The following ROPN1L variants were observed in gnomAD, a reference collection of about 807,000 sequenced individuals.
The protein encoded by ROPN1L is rhophilin associated tail protein 1 like.
Under a neutral mutation model 22.7 loss-of-function variants are expected in ROPN1L, and 23 were observed. The observed-to-expected ratio is 1.01, with a 90% CI of 0.73 to 1.43. The LOEUF is 1.43. Among genes scored for constraint, ROPN1L ranks in the 40% most tolerant of loss-of-function variants. The pLI is 0.00. For synonymous variants in ROPN1L, 116 were observed against 117.8 expected (o/e 0.98, Z 0.10); for missense variants, 271 against 291.5 (o/e 0.93, Z 0.51).
intron 3 of ROPN1L, among the ~76,000 whole-genome samples, chr5:10,460,006 A>T (rs2126462107): frequency 6.6e-6 from 1 of 152,296 alleles, no homozygotes; most frequent in African/African-American, 2.4e-5. Context: ...AGGCAGCGTG[A>T]CCATCCAGGC....
intron 1 of ROPN1L, among the ~76,000 whole-genome samples, chr5:10,445,580 C>G (rs1262416842): frequency 6.6e-6 from 1 of 152,078 alleles, no homozygotes; most frequent in South Asian, 2.1e-4. Context: ...AAAAGAAAAA[C>G]CATCAAAACC....
At chr5:10,464,110 C>T (rs1007740180) in intron 4 of ROPN1L, among the ~76,000 whole-genome samples, 13 of 152,194 alleles carry the variant, frequency 8.5e-5, no homozygotes, top group Admixed American at 6.5e-4. Flanking sequence ...GTCTCCTTGT[C>T]CCTTCCACAT....
chr5:10,467,136 G>A (rs1735168493), downstream of ROPN1L, among the ~76,000 whole-genome samples: 1 of 152,092 alleles, frequency 6.6e-6, no homozygotes, highest in African/African-American at 2.4e-5. Context: ...GGGGACTCAA[G>A]TTCCTCCGCG....
At chr5:10,453,694 T>C (rs1579648722) in intron 3 of ROPN1L, among the ~76,000 whole-genome samples, 1 of 152,198 alleles carries the variant, frequency 6.6e-6, no homozygotes, top group Non-Finnish European at 1.5e-5. Flanking sequence ...GTGTACTCTC[T>C]GTGCTGTTTA....
intron 3 of ROPN1L, among the ~76,000 whole-genome samples, chr5:10,450,798 C>T (rs1019037568): frequency 2.0e-5 from 3 of 152,320 alleles, no homozygotes; most frequent in East Asian, 1.9e-4. Context: ...GCCACCGCGC[C>T]GGCCTTAGAA....
the ROPN1L span, chr5:10,478,236 G>C: frequency 6.6e-6 from 1 of 152,340 alleles, no homozygotes; most frequent in Admixed American, 6.5e-5. Context: ...GCCCTCTCCA[G>C]ATACTTGAGT....
At chr5:10,452,241 G>C (rs893935441) in intron 3 of ROPN1L, among the ~76,000 whole-genome samples, 2 of 150,350 alleles carry the variant, frequency 1.3e-5, no homozygotes, top group Non-Finnish European at 3.0e-5. Flanking sequence ...TCAGGTTCTG[G>C]GATTATAGAT....
intron 1 of ROPN1L, among the ~76,000 whole-genome samples, chr5:10,445,900 G>A (rs977070026): frequency 4.6e-5 from 7 of 152,218 alleles, no homozygotes; most frequent in Admixed American, 4.6e-4. Flanking sequence ...TCCAGCCTGG[G>A]TGACAGAGCA....
chr5:10,472,445 G>A (rs1335423381), downstream of ROPN1L, among the ~76,000 whole-genome samples: 2 of 152,194 alleles, frequency 1.3e-5, no homozygotes, highest in African/African-American at 2.4e-5. Flanking sequence ...TGCACTTGAC[G>A]GATGAGAGCC....
intron 3 of ROPN1L, among the ~76,000 whole-genome samples, chr5:10,456,508 T>C (rs1441447643): frequency 1.3e-5 from 2 of 151,992 alleles, no homozygotes; most frequent in Admixed American, 1.3e-4. Context: ...AACAAAAAAA[T>C]AAGTGCAGCT....
intron 1 of ROPN1L, among the ~76,000 whole-genome samples, chr5:10,446,060 C>T (rs1003161758): frequency 2.6e-5 from 4 of 152,268 alleles, no homozygotes; most frequent in Non-Finnish European, 5.9e-5. Flanking sequence ...CCTGTGGACT[C>T]CACTGTGAGG....
the ROPN1L span, among the ~76,000 whole-genome samples, chr5:10,480,446 G>A: frequency 6.6e-6 from 1 of 152,114 alleles, no homozygotes; most frequent in East Asian, 1.9e-4. Flanking sequence ...GGATCCCCTG[G>A]GAGGCACAGC....
chr5:10,450,165 C>A, intron 3 of ROPN1L, 52 bp downstream of exon 3: 1 of 1,417,936 alleles, frequency 7.1e-7, no homozygotes, highest in Non-Finnish European at 9.4e-7. Flanking sequence ...ATGGTCCCAG[C>A]TTAAAAATAA....
chr5:10,446,072 G>A (rs189118028), intron 1 of ROPN1L, among the ~76,000 whole-genome samples: 4 of 152,360 alleles, frequency 2.6e-5, no homozygotes, highest in Admixed American at 2.6e-4. Flanking sequence ...ACTGTGAGGG[G>A]AGTCGGCTGT....
At chr5:10,457,419 G>A (rs909199768) in intron 3 of ROPN1L, among the ~76,000 whole-genome samples, 29 of 152,216 alleles carry the variant, frequency 1.9e-4, no homozygotes, top group African/African-American at 6.8e-4. Flanking sequence ...CCCAGAGCCC[G>A]CCTGGCGGCT....
At chr5:10,463,096 C>A (rs538881326) in intron 4 of ROPN1L, among the ~76,000 whole-genome samples, 4 of 152,108 alleles carry the variant, frequency 2.6e-5, no homozygotes, top group Non-Finnish European at 5.9e-5. Context: ...TGCTATATGA[C>A]CCCGACACAT....
downstream of ROPN1L, among the ~76,000 whole-genome samples, chr5:10,476,428 C>T (rs569676898): frequency 5.3e-5 from 8 of 152,200 alleles, no homozygotes; most frequent in Non-Finnish European, 1.0e-4. Context: ...AAAGTAGGAA[C>T]GTGGCAGATG....
At chr5:10,459,109 G>A (rs933914897) in intron 3 of ROPN1L, among the ~76,000 whole-genome samples, 5 of 151,444 alleles carry the variant, frequency 3.3e-5, no homozygotes, top group African/African-American at 1.2e-4. Flanking sequence ...CCCAAACTCA[G>A]CTTCTCTCTG....
downstream of ROPN1L, among the ~76,000 whole-genome samples, chr5:10,466,471 G>T (rs1178814316): frequency 6.6e-5 from 10 of 152,176 alleles, no homozygotes; most frequent in Admixed American, 6.5e-4. Context: ...AAAGACATTT[G>T]AAGACGAGTT....
Sources: allele counts gnomAD v4.1 joint callset (sites outside exome capture counted in the v4.1 genomes callset), GRCh38; gene constraint gnomAD v4.1.1; transcripts MANE v1.5; gene names NCBI Gene and HGNC (gene_info 2026-07-23, HGNC 2026-07-21).